Variants in SF3B3 observed in about 807,000 individuals in gnomAD.
The protein encoded by SF3B3 is SAP 130.
In SF3B3, 33 loss-of-function variants were observed where a neutral mutation model predicts 139.2. That is an observed-to-expected ratio of 0.24 (90% CI 0.18 to 0.32). The LOEUF (loss-of-function observed/expected upper bound fraction) is 0.32. Among genes scored for constraint, SF3B3 ranks in the 10% least tolerant of loss-of-function variants. The probability of loss-of-function intolerance (pLI) is 1.00; values close to 1 mark genes in which losing one functional copy is unlikely to be tolerated. For missense variants in SF3B3, 818 were observed against 1,509.4 expected (o/e 0.54, Z 7.59); for synonymous variants, 596 against 563.6 (o/e 1.06, Z -0.81).
intron 7 of SF3B3, among the ~76,000 whole-genome samples, 200 bp downstream of exon 7, chr16:70,538,660 TGTA>T (rs1218796431): frequency 6.6e-6 from 1 of 152,202 alleles, no homozygotes; most frequent in East Asian, 1.9e-4. Flanking sequence ...CAATGCCACT[TGTA>T]GTGATTATTT....
chr16:70,539,580 G>A (rs1203169215), intron 8 of SF3B3, among the ~76,000 whole-genome samples: 7 of 151,848 alleles, frequency 4.6e-5, no homozygotes, highest in Non-Finnish European at 7.4e-5. Context: ...AGGAAGGTGC[G>A]GCTTTGAGGC....
At chr16:70,554,667 G>C in intron 12 of SF3B3, 70 bp downstream of exon 12, 3 of 1,500,880 alleles carry the variant, frequency 2.0e-6, no homozygotes, top group Non-Finnish European at 2.8e-6. Flanking sequence ...GATGCAGGCT[G>C]CTGTGTTCAT....
At chr16:70,564,101 T>C (rs376473489) in intron 18 of SF3B3, 51 bp downstream of exon 18, 2 of 1,582,282 alleles carry the variant, frequency 1.3e-6, no homozygotes, top group African/African-American at 2.7e-5. Context: ...TGAAATTATG[T>C]TGAAAAGTTT....
In SF3B3 at chr16:70,575,246, T is replaced by TAG. The variant is rs1244787747; in HGVS notation, c.*3436_*3437dup. The TAG allele has an allele frequency of 7.0e-6, 1 of 143,616 alleles. No homozygotes were observed. Among genetic ancestry groups the TAG allele is most frequent in the East Asian group, 2.2e-4 (1 of 4,486 alleles). 8.9% of individuals were successfully genotyped at this position (143,616 alleles called of 1,614,324 possible). A position where few individuals can be genotyped will look rare whatever the true frequency, so the allele number is the denominator to read the frequency against. On this transcript the variant is annotated 3_prime_UTR_variant, in exon 26 of 26. Coordinates refer to ENST00000302516, the MANE Select transcript of SF3B3 (RefSeq NM_012426.5). Reference sequence around the variant, plus strand: ...TGAAGTCTTACTCTGTTGCCCAGGCTAGAGTACAGAGGCACAATCTCGGCT... The same window carrying TAG: ...TGAAGTCTTACTCTGTTGCCCAGGCTAGAGAGTACAGAGGCACAATCTCGGCT...
Position 70,544,595 on chromosome 16 carries a change from A to G in SF3B3, c.1329+62A>G, listed in dbSNP as rs560956530. On this transcript the variant is annotated intron_variant, in intron 10 of 25. Transcript: ENST00000302516. ...GAGGGAAGCACTGACAAAGTAGTTTATGGGTTTACTCTGATGTTGTCAAAG... is the reference window on the plus strand; with the variant it reads ...GAGGGAAGCACTGACAAAGTAGTTTGTGGGTTTACTCTGATGTTGTCAAAG... 4.9e-5 allele frequency: 46 copies of G among 930,010 alleles called. No homozygotes were observed. In the South Asian group the frequency reaches 5.6e-4, roughly 11 times the overall value. The allele number at this position is 930,010 out of a possible 1,614,324, so 57.6% of individuals were successfully genotyped here.
In SF3B3 at chr16:70,556,333, C is replaced by T; in HGVS notation, c.1865C>T (p.Ser622Leu). 1 of 1,614,178 alleles carries T rather than the reference C, an allele frequency of 6.2e-7. No individual in the cohort carries two copies. Among genetic ancestry groups the T allele is most frequent in the Non-Finnish European group, 8.5e-7 (1 of 1,180,010 alleles). The change falls in exon 14 of 26, where the codon TCA (serine) becomes TTA (leucine). Residue 622 changes from serine (S) to leucine (L), a missense_variant and splice_region_variant. Ser to Leu is a moderately radical substitution (Grantham distance 145, BLOSUM62 -2). Around this residue, in one of 14 missense-constraint regions of SF3B3, gnomAD observed 170 missense variants for 353.0 expected, o/e 0.48. Transcript: ENST00000302516. ...NTVRIISLDP[S>L]DCLQPLSMQA... ...GTCAGAATCATCTCCCTGGATCCCT[C>T]AGTGAGTGACACTCTGAGCTTCAAG...
chr16:70,534,711 C>T lies in SF3B3; in HGVS notation c.713-597C>T, dbSNP rs535037192. ...TGAGACAGAATCTCGCACTGTTGCC[C>T]AGGCTAGAGCACAGTGGCACGATCT... On this transcript the variant is annotated intron_variant, in intron 5 of 25. Coordinates refer to ENST00000302516, the MANE Select transcript of SF3B3 (RefSeq NM_012426.5). 5.3e-5 allele frequency among the ~76,000 whole-genome samples: 8 copies of T among 152,138 alleles called. No individual in the cohort carries two copies. The East Asian group carries it at 9.6e-4, about 18-fold the overall frequency.
chr16:70,536,849 T>C (rs2050173599), intron 6 of SF3B3, among the ~76,000 whole-genome samples: 1 of 150,752 alleles, frequency 6.6e-6, no homozygotes, highest in Non-Finnish European at 1.5e-5. Flanking sequence ...CTTGCTCTGT[T>C]GCCCAGGCTG....
intron 8 of SF3B3, among the ~76,000 whole-genome samples, chr16:70,540,771 C>G (rs1003839362): frequency 1.3e-5 from 2 of 151,948 alleles, no homozygotes; most frequent in Admixed American, 6.6e-5. Context: ...GTTTTGGTAG[C>G]CTGTATCAGA....
At position 70,532,482 on chromosome 16, in the gene SF3B3, G is replaced by C; in HGVS notation, c.574G>C (p.Ala192Pro). The C allele has an allele frequency of 3.1e-6, 5 of 1,613,924 alleles. No individual in the cohort carries two copies. Among genetic ancestry groups the C allele is most frequent in the Non-Finnish European group, 4.2e-6 (5 of 1,179,902 alleles). ...FACLEMDYEE[A>P]DNDPTGEAAA... ...TTTATGCCACTATTCTCTGTAGGAA[G>C]CAGACAATGATCCAACAGGGGAAGC... The change falls in exon 5 of 26, where the codon GCA becomes CCA. Residue 192 changes from alanine to proline, a missense_variant. Ala to Pro is a conservative substitution (Grantham distance 27). Transcript: ENST00000302516.
intron 1 of SF3B3, chr16:70,524,148 G>T: frequency 3.0e-6 from 1 of 328,198 alleles, no homozygotes; most frequent in East Asian, 4.6e-5. Flanking sequence ...CTCAAAATAG[G>T]GCTCGTGGAG....
In SF3B3 at chr16:70,530,782, CAG is replaced by C. The variant is rs1454162123; in HGVS notation, c.439_440del (p.Asp147CysfsTer31). 1 of 1,613,770 alleles carries C rather than the reference CAG, an allele frequency of 6.2e-7. No homozygotes were observed. Among genetic ancestry groups the C allele is most frequent in the Non-Finnish European group, 8.5e-7 (1 of 1,179,898 alleles). On this transcript the variant is annotated frameshift_variant, in exon 4 of 26. Coordinates refer to ENST00000302516, the MANE Select transcript of SF3B3 (RefSeq NM_012426.5). LOFTEE classifies it high-confidence loss of function. ...EKQKLVYILNRDAAARLTISS... is the reference protein window; with the variant it reads ...EKQKLVYILNXDAAARLTISS... ...AACAGAAATTGGTGTATATTTTGAA[CAG>C]AGATGCTGCAGCCCGACTTACCATT...
chr16:70,567,332 A>C, intron 20 of SF3B3, 79 bp from the exon 21 acceptor site: 1 of 1,452,760 alleles, frequency 6.9e-7, no homozygotes, highest in Non-Finnish European at 9.3e-7. Flanking sequence ...CTGTGGAAGT[A>C]GGCATTTCTG....
At chr16:70,548,533 C>A in intron 11 of SF3B3, 91 bp downstream of exon 11, 1 of 1,127,030 alleles carries the variant, frequency 8.9e-7, no homozygotes, top group Admixed American at 1.7e-5. Flanking sequence ...ACTTCTGTAT[C>A]ATTTCATTTA....
chr16:70,566,401 A>C (rs1351668565), intron 20 of SF3B3, among the ~76,000 whole-genome samples: 5 of 151,928 alleles, frequency 3.3e-5, no homozygotes, highest in Admixed American at 2.0e-4. Flanking sequence ...CATCTCTATT[A>C]AAAATAAAAA....
chr16:70,542,533 C>A (rs1597712531), intron 9 of SF3B3, among the ~76,000 whole-genome samples: 1 of 152,052 alleles, frequency 6.6e-6, no homozygotes. Context: ...CATTAGGGAC[C>A]ACCTGTGTAG....
At chr16:70,568,898 G>A (rs2050502135) in intron 22 of SF3B3, 145 bp from the exon 23 acceptor site, 1 of 588,184 alleles carries the variant, frequency 1.7e-6, no homozygotes, top group Non-Finnish European at 3.0e-6. Flanking sequence ...GCCCACCAGA[G>A]CAGGTGCAGG....
chr16:70,562,709 T>G (rs2050440532), intron 17 of SF3B3, among the ~76,000 whole-genome samples: 1 of 152,232 alleles, frequency 6.6e-6, no homozygotes, highest in South Asian at 2.1e-4. Context: ...GCTACAGATT[T>G]TTAGGCTTTC....
chr16:70,525,724 T>C (rs924401254), intron 1 of SF3B3, among the ~76,000 whole-genome samples: 2 of 151,862 alleles, frequency 1.3e-5, no homozygotes, highest in African/African-American at 4.8e-5. Flanking sequence ...TCCTAGCACT[T>C]TGGGAGGCGG....
Sources: allele counts gnomAD v4.1 joint callset (sites outside exome capture counted in the v4.1 genomes callset), GRCh38; gene constraint gnomAD v4.1.1; regional missense constraint gnomAD v4.1.1; transcripts MANE v1.5; gene names NCBI Gene and HGNC (gene_info 2026-07-23, HGNC 2026-07-21).